Variants in NACA observed in about 807,000 individuals in gnomAD.
The protein encoded by NACA is nascent polypeptide-associated complex subunit alpha.
NACA carries 42 observed loss-of-function variants against 86.4 expected under a neutral mutation model. The observed-to-expected ratio is 0.49, with a 90% CI of 0.38 to 0.63. The LOEUF (loss-of-function observed/expected upper bound fraction) is 0.63. Ranked by LOEUF, NACA falls within the 20% of genes least tolerant of loss-of-function variation. The pLI is 0.00. For missense variants in NACA, 2,157 were observed against 2,483.6 expected (o/e 0.87, Z 2.80); for synonymous variants, 898 against 973.7 (o/e 0.92, Z 1.45).
Position 56,717,140 on chromosome 12 carries a change from C to A in NACA, c.4390G>T (p.Asp1464Tyr), listed in dbSNP as rs375028867. The A allele has an allele frequency of 1.3e-5, 17 of 1,273,786 alleles. No individual in the cohort carries two copies. The African/African-American group carries it at 2.0e-4, about 15-fold the overall frequency. The allele number at this position is 1,273,786 out of a possible 1,614,324, so 78.9% of individuals were successfully genotyped here. A position where few individuals can be genotyped will look rare whatever the true frequency, so the allele number is the denominator to read the frequency against. Reference sequence around the variant, plus strand: ...GGAGTCACTGCTGGGAGGGTGGGATCCCCTTTGGAGGATGGGGTAGCTGGG... The same window carrying A: ...GGAGTCACTGCTGGGAGGGTGGGATACCCTTTGGAGGATGGGGTAGCTGGG... ...GGPATPSSKG[D>Y]PTLPAVTPPS... The change falls in exon 3 of 9, where the codon GAT becomes TAT. Residue 1464 changes from aspartate to tyrosine, a missense_variant. By Grantham distance (160) the Asp-to-Tyr change is radical. Transcript: ENST00000454682.
Position 56,719,236 on chromosome 12 carries a change from G to A in NACA, c.2294C>T (p.Ser765Phe), listed in dbSNP as rs749094834. 1 of 1,517,576 alleles carries A rather than the reference G, an allele frequency of 6.6e-7. No homozygotes were observed. Among genetic ancestry groups the A allele is most frequent in the Admixed American group, 1.8e-5 (1 of 56,788 alleles). The allele number at this position is 1,517,576 out of a possible 1,614,324, so 94.0% of individuals were successfully genotyped here. A position where few individuals can be genotyped will look rare whatever the true frequency, so the allele number is the denominator to read the frequency against. The change falls in exon 3 of 9, where the codon TCC becomes TTC. Residue 765 changes from serine (S) to phenylalanine (F), a missense_variant. Physicochemically the swap from Ser to Phe is radical, Grantham distance 155. Transcript: ENST00000454682. ...CTCAGTTGGGCACTCTTTGGGAGAGGAAGCAACAGGTGCCAATGCTGAAGT... is the reference window on the plus strand; with the variant it reads ...CTCAGTTGGGCACTCTTTGGGAGAGAAAGCAACAGGTGCCAATGCTGAAGT... ...SHTSALAPVA[S>F]SPKECPTEDS...
Position 56,717,286 on chromosome 12 carries a change from G to A in NACA, c.4244C>T (p.Ala1415Val), listed in dbSNP as rs1953400217. The change falls in exon 3 of 9, where the codon GCT becomes GTT. Residue 1415 changes from alanine (A) to valine (V), a missense_variant. By Grantham distance (64) the Ala-to-Val change is moderately conservative (BLOSUM62 0). Coordinates refer to ENST00000454682, the MANE Select transcript of NACA (RefSeq NM_001365896.1). The stretch of plus-strand genomic sequence containing the variant: ...TTCTCTGGTGACTGGAGTTGCTGGA[G>A]CCTTTTTGGGGGAGAGAGGAATCAC... ...PAVIPLSPKK[A>V]PATPVTREGA... 1 of 1,343,198 alleles carries A rather than the reference G, an allele frequency of 7.4e-7. No homozygotes were observed. The highest frequency in any genetic ancestry group is 9.8e-7 in the Non-Finnish European group (1 of 1,025,264). The allele number at this position is 1,343,198 out of a possible 1,614,324, so 83.2% of individuals were successfully genotyped here. A position where few individuals can be genotyped will look rare whatever the true frequency, so the allele number is the denominator to read the frequency against.
chr12:56,713,701 G>T lies in NACA; in HGVS notation c.5824-18C>A. The T allele has an allele frequency of 6.2e-7, 1 of 1,612,392 alleles. No individual in the cohort carries two copies. The highest frequency in any genetic ancestry group is 8.5e-7 in the Non-Finnish European group (1 of 1,179,174). The stretch of plus-strand genomic sequence containing the variant: ...GACATAGCCTAAAGAAGAGAAAATA[G>T]TATCAGGTTTTCAACCTCTTTAGAA... On this transcript the variant is annotated intron_variant, in intron 5 of 8. Transcript: ENST00000454682.
Position 56,719,048 on chromosome 12 carries a change from CAG to C in NACA, c.2480_2481del (p.Pro827ArgfsTer5), listed in dbSNP as rs745914224. 6.9e-6 allele frequency: 10 copies of C among 1,448,454 alleles called. No homozygotes were observed. Among genetic ancestry groups the C allele is most frequent in the East Asian group, 3.0e-5 (1 of 33,380 alleles). The allele number at this position is 1,448,454 out of a possible 1,614,324, so 89.7% of individuals were successfully genotyped here. A position where few individuals can be genotyped will look rare whatever the true frequency, so the allele number is the denominator to read the frequency against. ...AGAAATGAAGCTTCAACTGGAGAAA[CAG>C]GGGATGAGAGATTTCCAATAGGAGT... ...PDTPIGNLSS[P>X]VSPVEASFLP... On this transcript the variant is annotated frameshift_variant, in exon 3 of 9. Coordinates refer to ENST00000454682, the MANE Select transcript of NACA (RefSeq NM_001365896.1). LOFTEE classifies it high-confidence loss of function.
chr12:56,716,821 GCTT>G lies in NACA; in HGVS notation c.4706_4708del (p.Glu1569del). ...CTCTTTGGAGGATGGGGTAGCTGGGGCTTCTTTGGGGGTTGGAATTGCTGGGGT... is the reference window on the plus strand; with the variant it reads ...CTCTTTGGAGGATGGGGTAGCTGGGGCTTTGGGGGTTGGAATTGCTGGGGT... On this transcript the variant is annotated inframe_deletion, in exon 3 of 9. Transcript: ENST00000454682. The G allele has an allele frequency of 1.6e-6, 2 of 1,278,734 alleles. No homozygotes were observed. The highest frequency in any genetic ancestry group is 6.0e-5 in the Admixed American group (2 of 33,348). The allele number at this position is 1,278,734 out of a possible 1,614,324, so 79.2% of individuals were successfully genotyped here. A position where few individuals can be genotyped will look rare whatever the true frequency, so the allele number is the denominator to read the frequency against.
chr12:56,719,386 TG>T lies in NACA; in HGVS notation c.2143del (p.Gln715ArgfsTer10), dbSNP rs768189983. The T allele has an allele frequency of 1.2e-6, 2 of 1,610,976 alleles. No individual in the cohort carries two copies. The highest frequency in any genetic ancestry group is 1.3e-5 in the African/African-American group (1 of 74,866). ...GGTAGCCAGAGGAGCACAGGTATTC[TG>T]GGGGGATGGAGCCACAGGGCAATTT... ...SENCPVAPSP[Q>X]NTCAPLATLV... is the part of the protein sequence containing the mutation. On this transcript the variant is annotated frameshift_variant, in exon 3 of 9. Transcript: ENST00000454682. LOFTEE classifies it high-confidence loss of function.
rs1272588044 is a variant in NACA, at chr12:56,717,664, G to T, written c.3866C>A (p.Pro1289His). ...ATPPHKGAPNPAVVTPPSPKG... is the reference protein window; with the variant it reads ...ATPPHKGAPNHAVVTPPSPKG... ...TGGAGAGGGAGGAGTTACAACTGCG[G>T]GATTGGGGGCCCCTTTGTGGGGTGG... Residue 1289 changes from proline (P) to histidine (H), a missense_variant, in exon 3 of 9, where the codon CCC (proline) becomes CAC (histidine). Physicochemically the swap from Pro to His is moderately conservative, Grantham distance 77. Coordinates refer to ENST00000454682, the MANE Select transcript of NACA (RefSeq NM_001365896.1). 2 of 1,194,942 alleles carry T rather than the reference G, an allele frequency of 1.7e-6. No individual in the cohort carries two copies. Among genetic ancestry groups the T allele is most frequent in the African/African-American group, 1.6e-5 (1 of 61,880 alleles). 74.0% of individuals were successfully genotyped at this position (1,194,942 alleles called of 1,614,324 possible).
At chr12:56,722,707 AAAG>A (rs1953606271) in intron 2 of NACA, among the ~76,000 whole-genome samples, 1 of 152,176 alleles carries the variant, frequency 6.6e-6, no homozygotes, top group African/African-American at 2.4e-5. Context: ...AAAACAAACC[AAAG>A]AAGACAATTG....
chr12:56,717,335 T>TGGG lies in NACA; in HGVS notation c.4192_4194dup (p.Pro1398dup), dbSNP rs1953402016. 1 of 1,335,124 alleles carries TGGG rather than the reference T, an allele frequency of 7.5e-7. No individual in the cohort carries two copies. Among genetic ancestry groups the TGGG allele is most frequent in the African/African-American group, 1.7e-5 (1 of 59,926 alleles). The allele number at this position is 1,335,124 out of a possible 1,614,324, so 82.7% of individuals were successfully genotyped here. A position where few individuals can be genotyped will look rare whatever the true frequency, so the allele number is the denominator to read the frequency against. ...ACTGCTGGGGAAGTGGGGTCCCCTT[T>TGGG]GGGAGATGGGATAGCTGGTCCTCTT... On this transcript the variant is annotated inframe_insertion, in exon 3 of 9. Transcript: ENST00000454682.
rs761679420 is a variant in NACA at position 56,718,990 on chromosome 12, T to C, written c.2540A>G (p.Lys847Arg). Residue 847 changes from lysine (K) to arginine (R), a missense_variant, in exon 3 of 9, where the codon AAA (lysine) becomes AGA (arginine). By Grantham distance (26) the Lys-to-Arg change is conservative. Coordinates refer to ENST00000454682, the MANE Select transcript of NACA (RefSeq NM_001365896.1). ...PENSLSFQGS[K>R]DSPATTHSPT... ...AGAATGCGTCGTGGCTGGTGAGTCT[T>C]TAGAGCCTTGGAAAGAAAGACTATT... 6 of 1,447,142 alleles carry C rather than the reference T, an allele frequency of 4.1e-6. No individual in the cohort carries two copies. In the South Asian group the frequency reaches 6.8e-5, roughly 16 times the overall value. The allele number at this position is 1,447,142 out of a possible 1,614,324, so 89.6% of individuals were successfully genotyped here.
At position 56,720,284 on chromosome 12, in the gene NACA, T is replaced by A; in HGVS notation, c.1246A>T (p.Lys416Ter). The change falls in exon 3 of 9, where the codon AAA becomes TAA. Residue 416 changes from lysine to a stop codon, truncating the protein, a stop_gained. Coordinates refer to ENST00000454682, the MANE Select transcript of NACA (RefSeq NM_001365896.1). LOFTEE classifies it high-confidence loss of function. ...TGATAAGTGGCATTAGGAGAGCTTTTGAGAATGAGAGAGGTTGTAGGAGAT... is the reference window on the plus strand; with the variant it reads ...TGATAAGTGGCATTAGGAGAGCTTTAGAGAATGAGAGAGGTTGTAGGAGAT... The part of the protein sequence containing the change: ...SLSPTTSLIL[K>*]SSPNATYHYP... The A allele has an allele frequency of 6.2e-7, 1 of 1,613,864 alleles. No individual in the cohort carries two copies. Among genetic ancestry groups the A allele is most frequent in the East Asian group, 2.2e-5 (1 of 44,878 alleles).
intron 2 of NACA, 55 bp from the exon 3 acceptor site, chr12:56,721,514 G>A (rs1285533506): frequency 2.4e-6 from 3 of 1,233,036 alleles, no homozygotes; most frequent in Non-Finnish European, 3.3e-6. Context: ...GAAAAAAGGT[G>A]AGTTATGCAG....
At position 56,719,626 on chromosome 12, in the gene NACA, A is replaced by G. The variant is rs1234073604; in HGVS notation, c.1904T>C (p.Leu635Pro). 3 of 1,613,918 alleles carry G rather than the reference A, an allele frequency of 1.9e-6. No homozygotes were observed. Among genetic ancestry groups the G allele is most frequent in the South Asian group, 2.2e-5 (2 of 91,084 alleles). The change falls in exon 3 of 9, where the codon CTT becomes CCT. Residue 635 changes from leucine (L) to proline (P), a missense_variant. Leu to Pro is a moderately conservative substitution (Grantham distance 98, BLOSUM62 -3). This residue lies in a region of NACA where 947 missense variants were observed against 917.9 expected (regional missense o/e 1.03). Coordinates refer to ENST00000454682, the MANE Select transcript of NACA (RefSeq NM_001365896.1). ...SYAGPDSAGP[L>P]LKSSLITPTV... is the part of the protein sequence containing the mutation. The stretch of plus-strand genomic sequence containing the variant: ...TGGGGTAATGAGAGAACTTTTGAGA[A>G]GCGGACCAGCAGAGTCTGGGCCTGC...
In NACA at chr12:56,720,318, A is replaced by G; in HGVS notation, c.1212T>C (p.Ser404=). 6.2e-7 allele frequency: 1 copy of G among 1,613,886 alleles called. No homozygotes were observed. Among genetic ancestry groups the G allele is most frequent in the Non-Finnish European group, 8.5e-7 (1 of 1,179,818 alleles). Residue 404 remains serine, a synonymous_variant, in exon 3 of 9, where the codon TCT becomes TCC. Transcript: ENST00000454682. ...SPSGSLNVAT[S]FSLSPTTSLI... is the part of the protein sequence containing the mutation. ...GAGAGGTTGTAGGAGATAATGAAAA[A>G]GAGGTAGCTACATTTAAGGAGCCAG...
chr12:56,712,614 A>G, intron 8 of NACA, 62 bp from the exon 9 acceptor site: 2 of 1,603,066 alleles, frequency 1.2e-6, no homozygotes, highest in East Asian at 2.2e-5. Flanking sequence ...TCAGGTCACT[A>G]AAACTCTTAC....
chr12:56,713,042 T>C lies in NACA; in HGVS notation c.6099+20A>G, dbSNP rs1443517008. ...ATGCTATACGGCGAGAGTTAAATTA[T>C]GAAAGATTTCCTAGTATACCTCTTC... On this transcript the variant is annotated intron_variant, in intron 7 of 8. Coordinates refer to ENST00000454682, the MANE Select transcript of NACA (RefSeq NM_001365896.1). 5 of 1,613,776 alleles carry C rather than the reference T, an allele frequency of 3.1e-6. No individual in the cohort carries two copies. The East Asian group carries it at 6.7e-5, about 22-fold the overall frequency.
At position 56,724,485 on chromosome 12, in the gene NACA, C is replaced by T; in HGVS notation, c.37G>A (p.Glu13Lys). 1 of 1,612,836 alleles carries T rather than the reference C, an allele frequency of 6.2e-7. No individual in the cohort carries two copies. The highest frequency in any genetic ancestry group is 8.5e-7 in the Non-Finnish European group (1 of 1,179,506). Residue 13 changes from glutamate (E) to lysine (K), a missense_variant, in exon 2 of 9, where the codon GAG (glutamate) becomes AAG (lysine). Physicochemically the swap from Glu to Lys is moderately conservative, Grantham distance 56. Transcript: ENST00000454682. ...GCCTGGGGCTGCGGCAACTCCTGCT[C>T]TGTAGCAGGGACGGTTTCTGTGGCT... ...GEATETVPATEQELPQPQAET... is the reference protein window; with the variant it reads ...GEATETVPATKQELPQPQAET...
In NACA at chr12:56,717,499, T is replaced by C. The variant is rs771589324; in HGVS notation, c.4031A>G (p.Lys1344Arg). ...TGTAGCTGGGAGAGTAGGGGTCCCT[T>C]TAGGGGAGGGAGGAGTTACAGCTGG... Reference protein sequence around the residue: ...TPPAVTPPSPKGTPTLPATTP... With the variant: ...TPPAVTPPSPRGTPTLPATTP... Residue 1344 changes from lysine (K) to arginine (R), a missense_variant, in exon 3 of 9, where the codon AAA (lysine) becomes AGA (arginine). This residue lies in a region of NACA where 797 missense variants were observed against 777.6 expected (regional missense o/e 1.02). Transcript: ENST00000454682. 3.8e-6 allele frequency: 5 copies of C among 1,298,932 alleles called. No individual in the cohort carries two copies. The highest frequency in any genetic ancestry group is 1.0e-6 in the Non-Finnish European group (1 of 999,898). The allele number at this position is 1,298,932 out of a possible 1,614,324, so 80.5% of individuals were successfully genotyped here.
At position 56,720,810 on chromosome 12, in the gene NACA, G is replaced by T. The variant is rs1953551810; in HGVS notation, c.720C>A (p.Ala240=). The T allele has an allele frequency of 6.2e-7, 1 of 1,613,900 alleles. No homozygotes were observed. Among genetic ancestry groups the T allele is most frequent in the African/African-American group, 1.3e-5 (1 of 74,916 alleles). ...TATCTTTGACTTGAGGGGAAGCGAT[G>T]GCTAGGGTAGTTGTGGGTGTTGTCT... ...LPQTTPTTTL[A]IASPQVKDTT... Residue 240 remains alanine, a synonymous_variant, in exon 3 of 9, where the codon GCC becomes GCA. Transcript: ENST00000454682.
Sources: gnomAD v4.1 joint callset for allele counts (sites outside exome capture counted in the v4.1 genomes callset) on GRCh38, gnomAD v4.1.1 for gene constraint, gnomAD v4.1.1 regional missense constraint, MANE v1.5 for transcripts, NCBI Gene and HGNC (gene_info 2026-07-23, HGNC 2026-07-21) for gene names.